Variants in SOX5 observed in about 807,000 individuals in gnomAD.
The protein encoded by SOX5 is transcription factor SOX-5.
Under a neutral mutation model 92.0 loss-of-function variants are expected in SOX5, and 9 were observed. The ratio of observed to expected loss-of-function variants is 0.10; its 90% confidence interval spans 0.06 to 0.17. SOX5 has a LOEUF of 0.17. Among genes scored for constraint, SOX5 ranks in the 10% least tolerant of loss-of-function variants. The probability of loss-of-function intolerance (pLI) is 1.00; values close to 1 mark genes in which losing one functional copy is unlikely to be tolerated. For missense variants in SOX5, 642 were observed against 944.5 expected (o/e 0.68, Z 4.20); for synonymous variants, 344 against 336.3 (o/e 1.02, Z -0.25).
chr12:24,130,642 G>A (rs1274800458), intron 4 of SOX5, among the ~76,000 whole-genome samples: 1 of 152,156 alleles, frequency 6.6e-6, no homozygotes, highest in East Asian at 1.9e-4. Context: ...AAGAGAAAAG[G>A]AGACAGGGTC....
intron 4 of SOX5, among the ~76,000 whole-genome samples, chr12:24,172,855 G>C (rs1371354154): frequency 6.6e-6 from 1 of 152,170 alleles, no homozygotes; most frequent in South Asian, 2.1e-4. Flanking sequence ...AATGAGAAAG[G>C]TCATCAATTC....
At chr12:24,545,540 G>A (rs1427132262) in intron 1 of SOX5, among the ~76,000 whole-genome samples, 3 of 152,014 alleles carry the variant, frequency 2.0e-5, no homozygotes, top group South Asian at 2.1e-4. Context: ...CAAGTAATAC[G>A]AATAACGCAA....
chr12:23,751,487 A>G (rs780788497), intron 4 of SOX5, among the ~76,000 whole-genome samples: 1 of 151,834 alleles, frequency 6.6e-6, no homozygotes, highest in Non-Finnish European at 1.5e-5. Flanking sequence ...TCTGATTCCT[A>G]TTCTAAGCCT....
intron 3 of SOX5, among the ~76,000 whole-genome samples, chr12:23,837,306 G>T (rs190966902): frequency 0.024 from 1,799 of 73,774 alleles, 25 homozygotes; most frequent in Middle Eastern, 0.044. Context: ...TAATATATAA[G>T]ATATATTTAT....
At chr12:24,039,802 C>G (rs570671063) in intron 4 of SOX5, among the ~76,000 whole-genome samples, 1 of 152,224 alleles carries the variant, frequency 6.6e-6, no homozygotes, top group African/African-American at 2.4e-5. Flanking sequence ...AATGGAAACA[C>G]TGAAACCTAA....
At chr12:24,409,588 C>G (rs976046949) in intron 1 of SOX5, among the ~76,000 whole-genome samples, 3 of 151,988 alleles carry the variant, frequency 2.0e-5, no homozygotes, top group Non-Finnish European at 4.4e-5. Flanking sequence ...AGGTTATATA[C>G]GGCAGATGAA....
chr12:23,931,931 G>T (rs1250508859), intron 1 of SOX5, among the ~76,000 whole-genome samples: 1 of 151,468 alleles, frequency 6.6e-6, no homozygotes, highest in Non-Finnish European at 1.5e-5. Context: ...TGAATATGTG[G>T]TAATGGTTTC....
chr12:23,676,339 C>G (rs2085686526), intron 6 of SOX5, among the ~76,000 whole-genome samples: 1 of 152,038 alleles, frequency 6.6e-6, no homozygotes, highest in Non-Finnish European at 1.5e-5. Flanking sequence ...TAAATATACA[C>G]AAATAAAAAC....
At chr12:23,588,962 A>T (rs1951136828) in intron 9 of SOX5, among the ~76,000 whole-genome samples, 1 of 152,008 alleles carries the variant, frequency 6.6e-6, no homozygotes, top group Non-Finnish European at 1.5e-5. Flanking sequence ...GCAGCCTAGA[A>T]GTAATAGGCT....
intron 4 of SOX5, among the ~76,000 whole-genome samples, chr12:23,985,529 C>A (rs1447327743): frequency 6.6e-6 from 1 of 152,164 alleles, no homozygotes; most frequent in African/African-American, 2.4e-5. Context: ...TTTGCCCAAG[C>A]TTTCCCACAA....
chr12:24,085,967 A>G (rs1304775183), intron 4 of SOX5, among the ~76,000 whole-genome samples: 1 of 152,044 alleles, frequency 6.6e-6, no homozygotes, highest in Admixed American at 6.6e-5. Context: ...AAAAAAAAAA[A>G]AAAAGTATTT....
At chr12:24,338,138 G>A (rs895079125) in intron 2 of SOX5, among the ~76,000 whole-genome samples, 1 of 151,966 alleles carries the variant, frequency 6.6e-6, no homozygotes, top group Non-Finnish European at 1.5e-5. Flanking sequence ...GTAAACCCCA[G>A]TATCATTGAC....
intron 4 of SOX5, among the ~76,000 whole-genome samples, chr12:24,095,658 C>T (rs745323214): frequency 6.6e-6 from 1 of 152,088 alleles, no homozygotes; most frequent in Non-Finnish European, 1.5e-5. Context: ...ACCCAAATCT[C>T]ATCTTGAATT....
At chr12:24,550,421 A>G (rs1953044243) in intron 1 of SOX5, among the ~76,000 whole-genome samples, 1 of 152,170 alleles carries the variant, frequency 6.6e-6, no homozygotes. Flanking sequence ...ACTCATGCCA[A>G]ACACAATCTC....
intron 1 of SOX5, among the ~76,000 whole-genome samples, chr12:24,466,808 C>T (rs1015345131): frequency 1.3e-5 from 2 of 152,258 alleles, no homozygotes; most frequent in East Asian, 3.9e-4. Context: ...GAATGGACTC[C>T]AAGAAATTTA....
chr12:23,548,832 T>C (rs1943649528), intron 11 of SOX5, among the ~76,000 whole-genome samples: 2 of 152,006 alleles, frequency 1.3e-5, no homozygotes, highest in Admixed American at 1.3e-4. Flanking sequence ...AGGTAATATA[T>C]TGAACCACCA....
intron 1 of SOX5, among the ~76,000 whole-genome samples, chr12:23,907,037 C>T (rs1234200952): frequency 1.3e-5 from 2 of 151,878 alleles, no homozygotes; most frequent in Non-Finnish European, 2.9e-5. Context: ...GCTACAGGGA[C>T]AATCTTTTCT....
At chr12:24,541,771 T>C (rs550695924) in intron 1 of SOX5, among the ~76,000 whole-genome samples, 1 of 152,276 alleles carries the variant, frequency 6.6e-6, no homozygotes, top group Non-Finnish European at 1.5e-5. Flanking sequence ...TGAACATAAA[T>C]GTAAAAGGAG....
At chr12:24,318,414 G>A (rs1474897163) in intron 2 of SOX5, among the ~76,000 whole-genome samples, 2 of 151,996 alleles carry the variant, frequency 1.3e-5, no homozygotes, top group African/African-American at 4.8e-5. Context: ...TTGCTCATGA[G>A]GTAGGCTGAG....
Sources: allele counts gnomAD v4.1 joint callset (sites outside exome capture counted in the v4.1 genomes callset), GRCh38; gene constraint gnomAD v4.1.1; transcripts MANE v1.5; gene names NCBI Gene and HGNC (gene_info 2026-07-23, HGNC 2026-07-21).